FRMD5: variants seen among roughly 807,000 people sequenced by gnomAD.
FRMD5 encodes the protein FERM domain containing 5, also known as FERM domain-containing protein 5.
In FRMD5, 20 loss-of-function variants were observed where a neutral mutation model predicts 69.0. That is an observed-to-expected ratio of 0.29 (90% CI 0.20 to 0.42). The LOEUF (loss-of-function observed/expected upper bound fraction) is 0.42, where lower values mean the gene tolerates loss of function less well. FRMD5 is among the 10% of genes least tolerant of loss of function. FRMD5 has a pLI of 1.00. For synonymous variants in FRMD5, 271 were observed against 260.1 expected (o/e 1.04, Z -0.40); for missense variants, 595 against 708.6 (o/e 0.84, Z 1.82).
intron 1 of FRMD5, among the ~76,000 whole-genome samples, chr15:43,928,969 T>C (rs2089631112): frequency 1.3e-5 from 2 of 152,234 alleles, no homozygotes; most frequent in South Asian, 4.1e-4. Flanking sequence ...TCAAAATAAC[T>C]TATTAAGCAC....
chr15:43,875,357 A>T (rs2088304038), intron 13 of FRMD5, among the ~76,000 whole-genome samples: 1 of 104,476 alleles, frequency 9.6e-6, no homozygotes, highest in African/African-American at 3.5e-5. Flanking sequence ...TCAAAAAAAA[A>T]AAAAAAATAT....
At chr15:44,057,737 AT>A (rs1892930198) in intron 1 of FRMD5, among the ~76,000 whole-genome samples, 1 of 152,236 alleles carries the variant, frequency 6.6e-6, no homozygotes, top group South Asian at 2.1e-4. Context: ...TTTTGCTATA[AT>A]TGGTTCTGTT....
At chr15:44,113,760 A>G (rs920469656) in intron 1 of FRMD5, among the ~76,000 whole-genome samples, 1 of 152,146 alleles carries the variant, frequency 6.6e-6, no homozygotes, top group African/African-American at 2.4e-5. Context: ...TTTGACCTTG[A>G]AAAAGTCACT....
chr15:44,002,853 G>A (rs1313212794), intron 1 of FRMD5, among the ~76,000 whole-genome samples: 2 of 152,074 alleles, frequency 1.3e-5, no homozygotes, highest in African/African-American at 4.8e-5. Context: ...AAGACAATAT[G>A]AGGGGTGGTC....
At chr15:43,990,865 T>C (rs1889641826) in intron 1 of FRMD5, among the ~76,000 whole-genome samples, 1 of 152,240 alleles carries the variant, frequency 6.6e-6, no homozygotes, top group Admixed American at 6.5e-5. Flanking sequence ...CAATGACTTT[T>C]ACATAAGGGA....
chr15:43,964,023 T>A (rs2090250660), intron 1 of FRMD5, among the ~76,000 whole-genome samples: 2 of 151,926 alleles, frequency 1.3e-5, no homozygotes, highest in Non-Finnish European at 1.5e-5. Context: ...AACCTGCACA[T>A]TGTGCACATG....
chr15:44,101,780 T>C (rs767538785), intron 1 of FRMD5, among the ~76,000 whole-genome samples: 1 of 152,258 alleles, frequency 6.6e-6, no homozygotes, highest in Non-Finnish European at 1.5e-5. Flanking sequence ...AAGGTGGTTA[T>C]GACATTGTTT....
At chr15:43,962,817 AT>A (rs1182467734) in intron 1 of FRMD5, among the ~76,000 whole-genome samples, 1 of 152,246 alleles carries the variant, frequency 6.6e-6, no homozygotes, top group Non-Finnish European at 1.5e-5. Flanking sequence ...AGGATTCCCT[AT>A]TTAATAGATG....
chr15:44,045,558 C>T (rs117709538), intron 1 of FRMD5, among the ~76,000 whole-genome samples: 208 of 152,142 alleles, frequency 1.4e-3, no homozygotes, highest in Non-Finnish European at 2.5e-3. Flanking sequence ...TGTATATGCA[C>T]GTATAAATTC....
chr15:43,907,060 C>T (rs942238781), intron 5 of FRMD5, among the ~76,000 whole-genome samples: 3 of 152,114 alleles, frequency 2.0e-5, no homozygotes, highest in Admixed American at 2.0e-4. Context: ...ACACCCAGGT[C>T]AGAATCCAGC....
chr15:43,917,472 C>T (rs939050467), intron 4 of FRMD5, among the ~76,000 whole-genome samples: 1 of 152,156 alleles, frequency 6.6e-6, no homozygotes, highest in African/African-American at 2.4e-5. Flanking sequence ...CTTACTGCAA[C>T]CTCCACCTCA....
rs534914402 is a variant in FRMD5, at chr15:43,995,709, C to T, written c.103-71400G>A. 5.3e-5 allele frequency among the ~76,000 whole-genome samples: 8 copies of T among 151,554 alleles called. No individual in the cohort carries two copies. In the South Asian group the frequency reaches 1.7e-3, roughly 32 times the overall value. On this transcript the variant is annotated intron_variant, in intron 1 of 13. Transcript: ENST00000417257. ...GGTCTGGAGCCTGGGATCATGGGTA[C>T]TGGCATGGTACCTGGAATCCTGGGG...
At chr15:44,111,708 T>C (rs1340048495) in intron 1 of FRMD5, among the ~76,000 whole-genome samples, 1 of 152,190 alleles carries the variant, frequency 6.6e-6, no homozygotes, top group Non-Finnish European at 1.5e-5. Flanking sequence ...ATGCTACTCC[T>C]AGTACTCTCT....
chr15:44,148,466 T>C (rs941676399), intron 1 of FRMD5, among the ~76,000 whole-genome samples: 3 of 152,028 alleles, frequency 2.0e-5, no homozygotes, highest in African/African-American at 2.4e-5. Flanking sequence ...TGAGACGGGG[T>C]TTCACCGTGT....
rs141679980 is a variant in FRMD5 at position 43,894,938 on chromosome 15, T to C, written c.640-2869A>G. The stretch of plus-strand genomic sequence containing the variant: ...TTATGTTTAGGAGGCACCTCACAAA[T>C]GCTAGTGGCCATGTTTTTTGTTTGT... On this transcript the variant is annotated intron_variant, in intron 7 of 13. Transcript: ENST00000417257. 6.7e-3 allele frequency among the ~76,000 whole-genome samples: 1,024 copies of C among 152,292 alleles called. 17 individuals are homozygous for C. Among genetic ancestry groups the C allele is most frequent in the African/African-American group, 0.023 (965 of 41,554 alleles).
intron 7 of FRMD5, among the ~76,000 whole-genome samples, chr15:43,896,909 C>G (rs1281736124): frequency 6.6e-6 from 1 of 152,156 alleles, no homozygotes; most frequent in Non-Finnish European, 1.5e-5. Flanking sequence ...AAGCTGAAGT[C>G]AGTCATGAAA....
rs1351485527 is a variant in FRMD5 at position 43,928,163 on chromosome 15, C to T, written c.103-3854G>A. On this transcript the variant is annotated intron_variant, in intron 1 of 13. Coordinates refer to ENST00000417257, the MANE Select transcript of FRMD5 (RefSeq NM_032892.5). ...TCAGCACCTGGTGAATCCCCCTGCT[C>T]CCCCGCCGTGAAGACATAGTTCCCT... Among the ~76,000 whole-genome samples the T allele has an allele frequency of 2.0e-5, 3 of 152,290 alleles. No homozygotes were observed. In the East Asian group the frequency reaches 5.8e-4, roughly 29 times the overall value.
chr15:44,036,327 C>T (rs1439324296), intron 1 of FRMD5, among the ~76,000 whole-genome samples: 15 of 152,030 alleles, frequency 9.9e-5, no homozygotes. Context: ...CCCTCACGCA[C>T]CTGCTCAACA....
intron 1 of FRMD5, among the ~76,000 whole-genome samples, chr15:44,089,733 G>T (rs2076445097): frequency 6.6e-6 from 1 of 151,904 alleles, no homozygotes; most frequent in South Asian, 2.1e-4. Context: ...CCTAATAGAA[G>T]GCATTTTATT....
Sources: gnomAD v4.1 joint callset for allele counts (sites outside exome capture counted in the v4.1 genomes callset) on GRCh38, gnomAD v4.1.1 for gene constraint, MANE v1.5 for transcripts, NCBI Gene and HGNC (gene_info 2026-07-23, HGNC 2026-07-21) for gene names.